The following SPRN variants were observed in gnomAD, a reference collection of about 807,000 sequenced individuals.
The protein encoded by SPRN is hypothetical protein BC004409.
For missense variants in SPRN, 312 were observed against 241.4 expected (o/e 1.29, Z -1.94); for synonymous variants, 182 against 123.4 (o/e 1.48, Z -3.15).
chr10:133,420,889 G>T lies in SPRN; in HGVS notation c.*2337C>A, dbSNP rs1329151. 81,665 of 152,350 alleles carry T rather than the reference G, an allele frequency of 0.54. 24,827 individuals carry two copies. The highest frequency in any genetic ancestry group is 0.68 in the Non-Finnish European group (46,263 of 68,080). The allele number at this position is 152,350 out of a possible 1,614,324, so 9.4% of individuals were successfully genotyped here. ...GGCCTCTGAGCACCTTCTAGCTCAC[G>T]GGTAGTGGGATTCTGCATTAGTGGG... On this transcript the variant is annotated 3_prime_UTR_variant, in exon 2 of 2. Coordinates refer to ENST00000685335, the MANE Select transcript of SPRN (RefSeq NM_001391974.1).
intron 1 of SPRN, 22 bp from the exon 2 acceptor site, chr10:133,423,719 G>C: frequency 6.7e-7 from 1 of 1,490,042 alleles, no homozygotes; most frequent in Non-Finnish European, 9.0e-7. Context: ...GAGGGAAAGG[G>C]CCCTTAGTTT....
At chr10:133,423,977 T>TGGGAGCGA in intron 1 of SPRN, among the ~76,000 whole-genome samples, 1 of 2,860 alleles carries the variant, frequency 3.5e-4, no homozygotes, top group African/African-American at 5.1e-4. Flanking sequence ...GGCAGGAGCG[T>TGGGAGCGA]TCAGGCCTCT....
At position 133,423,242 on chromosome 10, in the gene SPRN, C is replaced by T. The variant is rs1370772471; in HGVS notation, c.440G>A (p.Gly147Glu). ...CAGCCAGGCCTAGGGCCGCAGCAGCCCCAGGGCTCCGAGGGCGCCGCCCAG... is the reference window on the plus strand; with the variant it reads ...CAGCCAGGCCTAGGGCCGCAGCAGCTCCAGGGCTCCGAGGGCGCCGCCCAG... The part of the protein sequence containing the change: ...LVLGGALGAL[G>E]LLRP The change falls in exon 2 of 2, where the codon GGG becomes GAG. Residue 147 changes from glycine (G) to glutamate (E), a missense_variant. Transcript: ENST00000685335. 1.4e-6 allele frequency: 2 copies of T among 1,475,652 alleles called. No individual in the cohort carries two copies. The highest frequency in any genetic ancestry group is 1.5e-5 in the African/African-American group (1 of 68,664). 91.4% of individuals were successfully genotyped at this position (1,475,652 alleles called of 1,614,324 possible).
chr10:133,423,329 T>C lies in SPRN; in HGVS notation c.353A>G (p.Tyr118Cys). The C allele has an allele frequency of 6.6e-7, 1 of 1,522,296 alleles. No individual in the cohort carries two copies. The highest frequency in any genetic ancestry group is 1.2e-5 in the South Asian group (1 of 82,030). The allele number at this position is 1,522,296 out of a possible 1,614,324, so 94.3% of individuals were successfully genotyped here. The change falls in exon 2 of 2, where the codon TAC (tyrosine) becomes TGC (cysteine). Residue 118 changes from tyrosine (Y) to cysteine (C), a missense_variant. Coordinates refer to ENST00000685335, the MANE Select transcript of SPRN (RefSeq NM_001391974.1). ...PGGNGTGPGIYSYRAWTSGAG... is the reference protein window; with the variant it reads ...PGGNGTGPGICSYRAWTSGAG... The stretch of plus-strand genomic sequence containing the variant: ...GCCCGAAGTCCACGCCCGGTAGCTG[T>C]AGATGCCGGGGCCTGTCCCGTTGCC...
In SPRN at chr10:133,423,370, C is replaced by G. The variant is rs745971847; in HGVS notation, c.312G>C (p.Glu104Asp). ...GPGERGLEDE[E>D]DGVPGGNGTG... ...TCCCGTTGCCTCCGGGCACCCCGTC[C>G]TCCTCGTCCTCCAGGCCGCGTTCCC... is the stretch of plus-strand genomic sequence containing the variant. The change falls in exon 2 of 2, where the codon GAG becomes GAC. Residue 104 changes from glutamate (E) to aspartate (D), a missense_variant. By Grantham distance (45) the Glu-to-Asp change is conservative. Coordinates refer to ENST00000685335, the MANE Select transcript of SPRN (RefSeq NM_001391974.1). 1.7e-5 allele frequency: 26 copies of G among 1,508,620 alleles called. No individual in the cohort carries two copies. The highest frequency in any genetic ancestry group is 4.1e-5 in the Admixed American group (2 of 48,622). The allele number at this position is 1,508,620 out of a possible 1,614,324, so 93.5% of individuals were successfully genotyped here.
rs1850298281 is a variant in SPRN, at chr10:133,423,478, G to A, written c.204C>T (p.Ala68=). Residue 68 remains alanine, a synonymous_variant, in exon 2 of 2, where the codon GCC becomes GCT. Coordinates refer to ENST00000685335, the MANE Select transcript of SPRN (RefSeq NM_001391974.1). ...CCGCCGCCCCGGCTGCCGCCCCGGCGGCAGCCACGCGCAGGGAGGAGCCCG... is the reference window on the plus strand; with the variant it reads ...CCGCCGCCCCGGCTGCCGCCCCGGCAGCAGCCACGCGCAGGGAGGAGCCCG... The part of the protein sequence containing the change: ...GAPGSSLRVA[A]AGAAAGAAAG... 6 of 1,160,566 alleles carry A rather than the reference G, an allele frequency of 5.2e-6. No individual in the cohort carries two copies. The South Asian group carries it at 2.5e-4, about 48-fold the overall frequency. The allele number at this position is 1,160,566 out of a possible 1,614,324, so 71.9% of individuals were successfully genotyped here.
In SPRN at chr10:133,424,558, C is replaced by T. The variant is rs1850326469; in HGVS notation, c.-102G>A. The T allele has an allele frequency of 7.2e-6, 1 of 139,422 alleles. No individual in the cohort carries two copies. Among genetic ancestry groups the T allele is most frequent in the Admixed American group, 6.8e-5 (1 of 14,626 alleles). 8.6% of individuals were successfully genotyped at this position (139,422 alleles called of 1,614,324 possible). Reference sequence around the variant, plus strand: ...GCGGGAAGGAGCGGGCGGGCGGCGGCGCGGACCCTCAGCCGGAGCGCGGAG... The same window carrying T: ...GCGGGAAGGAGCGGGCGGGCGGCGGTGCGGACCCTCAGCCGGAGCGCGGAG... On this transcript the variant is annotated 5_prime_UTR_variant, in exon 1 of 2. Transcript: ENST00000685335.
chr10:133,424,022 G>C (rs1232814921), intron 1 of SPRN, among the ~76,000 whole-genome samples: 2 of 128,200 alleles, frequency 1.6e-5, no homozygotes, highest in Non-Finnish European at 3.4e-5. Flanking sequence ...GAGCAAGCCT[G>C]GGGGAGGGAG....
Position 133,423,481 on chromosome 10 carries a change from A to T in SPRN, c.201T>A (p.Ala67=). ...CCGCCCCGGCTGCCGCCCCGGCGGC[A>T]GCCACGCGCAGGGAGGAGCCCGGGG... ...YGAPGSSLRV[A]AAGAAAGAAA... Residue 67 remains alanine, a synonymous_variant, in exon 2 of 2, where the codon GCT becomes GCA. Coordinates refer to ENST00000685335, the MANE Select transcript of SPRN (RefSeq NM_001391974.1). 1 of 1,156,906 alleles carries T rather than the reference A, an allele frequency of 8.6e-7. No individual in the cohort carries two copies. Among genetic ancestry groups the T allele is most frequent in the Non-Finnish European group, 1.1e-6 (1 of 945,066 alleles). The allele number at this position is 1,156,906 out of a possible 1,614,324, so 71.7% of individuals were successfully genotyped here.
chr10:133,423,130 G>T lies in SPRN; in HGVS notation c.*96C>A. 1 of 1,245,454 alleles carries T rather than the reference G, an allele frequency of 8.0e-7. No individual in the cohort carries two copies. The highest frequency in any genetic ancestry group is 1.1e-6 in the Non-Finnish European group (1 of 940,240). 77.2% of individuals were successfully genotyped at this position (1,245,454 alleles called of 1,614,324 possible). On this transcript the variant is annotated 3_prime_UTR_variant, in exon 2 of 2. Transcript: ENST00000685335. ...GCTCCTGCACCCAGTGGGGCTCCAA[G>T]ACCGTGGGCAAGGGAGGAAGGGGGA...
Position 133,423,637 on chromosome 10 carries a change from G to A in SPRN, c.45C>T (p.Ala15=), listed in dbSNP as rs1208229632. 1.3e-6 allele frequency: 2 copies of A among 1,572,266 alleles called. No individual in the cohort carries two copies. Among genetic ancestry groups the A allele is most frequent in the South Asian group, 2.3e-5 (2 of 86,018 alleles). ...CTGCGCCGCTGTCGCAGAGGAAGGC[G>A]GCCGCCAGTAGCAGAGCCCAGCACG... is the stretch of plus-strand genomic sequence containing the variant. The part of the protein sequence containing the change: ...PATCWALLLA[A]AFLCDSGAAK... Residue 15 remains alanine, a synonymous_variant, in exon 2 of 2, where the codon GCC becomes GCT. Coordinates refer to ENST00000685335, the MANE Select transcript of SPRN (RefSeq NM_001391974.1).
rs1180822764 is a variant in SPRN, at chr10:133,423,122, G to A, written c.*104C>T. The A allele has an allele frequency of 3.0e-5, 35 of 1,182,422 alleles. No homozygotes were observed. Among genetic ancestry groups the A allele is most frequent in the Non-Finnish European group, 3.7e-5 (33 of 880,156 alleles). 73.2% of individuals were successfully genotyped at this position (1,182,422 alleles called of 1,614,324 possible). On this transcript the variant is annotated 3_prime_UTR_variant, in exon 2 of 2. Coordinates refer to ENST00000685335, the MANE Select transcript of SPRN (RefSeq NM_001391974.1). ...AGCCAGCAGCTCCTGCACCCAGTGGGGCTCCAAGACCGTGGGCAAGGGAGG... is the reference window on the plus strand; with the variant it reads ...AGCCAGCAGCTCCTGCACCCAGTGGAGCTCCAAGACCGTGGGCAAGGGAGG...
chr10:133,423,112 C>T lies in SPRN; in HGVS notation c.*114G>A. 9.0e-7 allele frequency: 1 copy of T among 1,108,492 alleles called. No individual in the cohort carries two copies. The highest frequency in any genetic ancestry group is 1.2e-6 in the Non-Finnish European group (1 of 811,032). 68.7% of individuals were successfully genotyped at this position (1,108,492 alleles called of 1,614,324 possible). On this transcript the variant is annotated 3_prime_UTR_variant, in exon 2 of 2. Transcript: ENST00000685335. ...CCACAGGGACAGCCAGCAGCTCCTGCACCCAGTGGGGCTCCAAGACCGTGG... is the reference window on the plus strand; with the variant it reads ...CCACAGGGACAGCCAGCAGCTCCTGTACCCAGTGGGGCTCCAAGACCGTGG...
chr10:133,423,909 G>A (rs1349066559), intron 1 of SPRN, among the ~76,000 whole-genome samples: 6 of 152,272 alleles, frequency 3.9e-5, no homozygotes, highest in African/African-American at 1.4e-4. Context: ...AGTGGCAGGT[G>A]GGGCAGGAGG....
Position 133,421,566 on chromosome 10 carries a change from G to A in SPRN, c.*1660C>T, listed in dbSNP as rs1350583424. ...GGCCTGCTGGTCTTGGAGGCGTTGAGCTTGGTCTGGAAGGGGTGGAGGAGC... is the reference window on the plus strand; with the variant it reads ...GGCCTGCTGGTCTTGGAGGCGTTGAACTTGGTCTGGAAGGGGTGGAGGAGC... On this transcript the variant is annotated 3_prime_UTR_variant, in exon 2 of 2. Coordinates refer to ENST00000685335, the MANE Select transcript of SPRN (RefSeq NM_001391974.1). 6.5e-6 allele frequency: 1 copy of A among 153,438 alleles called. No individual in the cohort carries two copies. Among genetic ancestry groups the A allele is most frequent in the Non-Finnish European group, 1.5e-5 (1 of 68,676 alleles). 9.5% of individuals were successfully genotyped at this position (153,438 alleles called of 1,614,324 possible).
Position 133,423,605 on chromosome 10 carries a change from C to T in SPRN, c.77G>A (p.Gly26Asp). 6.5e-7 allele frequency: 1 copy of T among 1,536,302 alleles called. No homozygotes were observed. Among genetic ancestry groups the T allele is most frequent in the South Asian group, 1.2e-5 (1 of 82,400 alleles). ...AFLCDSGAAKGGRGGARGSAR... is the reference protein window; with the variant it reads ...AFLCDSGAAKDGRGGARGSAR... ...ACTGCCCCGCGCACCTCCGCGGCCG[C>T]CCTTGGCTGCGCCGCTGTCGCAGAG... The change falls in exon 2 of 2, where the codon GGC becomes GAC. Residue 26 changes from glycine (G) to aspartate (D), a missense_variant. Transcript: ENST00000685335.
Position 133,423,367 on chromosome 10 carries a change from G to A in SPRN, c.315C>T (p.Asp105=), listed in dbSNP as rs936843807. ...CTGTCCCGTTGCCTCCGGGCACCCCGTCCTCCTCGTCCTCCAGGCCGCGTT... is the reference window on the plus strand; with the variant it reads ...CTGTCCCGTTGCCTCCGGGCACCCCATCCTCCTCGTCCTCCAGGCCGCGTT... ...PGERGLEDEE[D]GVPGGNGTGP... is the part of the protein sequence containing the mutation. The change falls in exon 2 of 2, where the codon GAC becomes GAT. Residue 105 remains aspartate, a synonymous_variant. Transcript: ENST00000685335. The A allele has an allele frequency of 4.6e-6, 7 of 1,508,628 alleles. No homozygotes were observed. The highest frequency in any genetic ancestry group is 5.4e-5 in the East Asian group (2 of 37,214). The allele number at this position is 1,508,628 out of a possible 1,614,324, so 93.5% of individuals were successfully genotyped here. A position where few individuals can be genotyped will look rare whatever the true frequency, so the allele number is the denominator to read the frequency against.
rs961190393 is a variant in SPRN at position 133,423,053 on chromosome 10, T to G, written c.*173A>C. The G allele has an allele frequency of 1.5e-4, 101 of 668,896 alleles. 2 individuals carry two copies. The South Asian group carries it at 1.7e-3, about 12-fold the overall frequency. 41.4% of individuals were successfully genotyped at this position (668,896 alleles called of 1,614,324 possible). ...CTCCTCTAGGTGGGAGGTGGCAGGC[T>G]GAGGCGGCGTGGGCAGGACGGTGGA... On this transcript the variant is annotated 3_prime_UTR_variant, in exon 2 of 2. Transcript: ENST00000685335.
At position 133,423,254 on chromosome 10, in the gene SPRN, A is replaced by G; in HGVS notation, c.428T>C (p.Leu143Pro). 1 of 1,486,312 alleles carries G rather than the reference A, an allele frequency of 6.7e-7. No individual in the cohort carries two copies. Among genetic ancestry groups the G allele is most frequent in the Non-Finnish European group, 8.9e-7 (1 of 1,120,592 alleles). 92.1% of individuals were successfully genotyped at this position (1,486,312 alleles called of 1,614,324 possible). The change falls in exon 2 of 2, where the codon CTC becomes CCC. Residue 143 changes from leucine to proline, a missense_variant. Leu to Pro is a moderately conservative substitution (Grantham distance 98). Coordinates refer to ENST00000685335, the MANE Select transcript of SPRN (RefSeq NM_001391974.1). ...PRLCLVLGGALGALGLLRP is the reference protein window; with the variant it reads ...PRLCLVLGGAPGALGLLRP The stretch of plus-strand genomic sequence containing the variant: ...GGGCCGCAGCAGCCCCAGGGCTCCG[A>G]GGGCGCCGCCCAGCACGAGACAGAG...
Sources: gnomAD v4.1 joint callset for allele counts (sites outside exome capture counted in the v4.1 genomes callset) on GRCh38, gnomAD v4.1.1 for gene constraint, MANE v1.5 for transcripts, NCBI Gene and HGNC (gene_info 2026-07-23, HGNC 2026-07-21) for gene names.